Variants in MAGI2 observed in about 807,000 individuals in gnomAD.
The protein encoded by MAGI2 is membrane-associated guanylate kinase, WW and PDZ domain-containing protein 2.
Under a neutral mutation model 133.3 loss-of-function variants are expected in MAGI2, and 35 were observed. That is an observed-to-expected ratio of 0.26 (90% CI 0.20 to 0.35). MAGI2 has a LOEUF of 0.35. Ranked by LOEUF, MAGI2 falls within the 10% of genes least tolerant of loss-of-function variation. The probability of loss-of-function intolerance (pLI) is 1.00; values close to 1 mark genes in which losing one functional copy is unlikely to be tolerated. For missense variants in MAGI2, 1,636 were observed against 1,863.4 expected, an observed-to-expected ratio of 0.88 and a Z score of 2.25; for synonymous variants, 729 against 710.6, an observed-to-expected ratio of 1.03 and a Z score of -0.41.
chr7:78,360,425 T>C lies in MAGI2; in HGVS notation c.1103+8731A>G, dbSNP rs375148735. Among the ~76,000 whole-genome samples the C allele has an allele frequency of 9.8e-5, 15 of 152,344 alleles. No individual in the cohort carries two copies. In the East Asian group the frequency reaches 2.5e-3, roughly 25 times the overall value. On this transcript the variant is annotated intron_variant, in intron 7 of 21. Transcript: ENST00000354212. ...CCATTTTCACTTTATGTGCTAACTT[T>C]AGAACTTAATCTCAGTCTAAGATAT... is the stretch of plus-strand genomic sequence containing the variant.
chr7:78,630,312 G>A (rs946930758), intron 2 of MAGI2, among the ~76,000 whole-genome samples: 27 of 151,404 alleles, frequency 1.8e-4, no homozygotes, highest in Middle Eastern at 3.4e-3. Flanking sequence ...TTCTTCTAAC[G>A]GAACAATCTT....
intron 7 of MAGI2, among the ~76,000 whole-genome samples, chr7:78,365,466 C>T (rs1373758539): frequency 6.6e-6 from 1 of 152,112 alleles, no homozygotes; most frequent in Non-Finnish European, 1.5e-5. Flanking sequence ...CAAATTTCAG[C>T]CCCTCATCTC....
At chr7:78,049,238 A>G (rs117351611) in intron 21 of MAGI2, among the ~76,000 whole-genome samples, 3 of 152,224 alleles carry the variant, frequency 2.0e-5, no homozygotes, top group Non-Finnish European at 4.4e-5. Flanking sequence ...ATAAAAGACG[A>G]GACGGCATCT....
chr7:78,667,181 T>C (rs1233800181), intron 2 of MAGI2, among the ~76,000 whole-genome samples: 1 of 151,786 alleles, frequency 6.6e-6, no homozygotes, highest in Non-Finnish European at 1.5e-5. Flanking sequence ...TGGAGTTAAA[T>C]ATAGAACATC....
intron 6 of MAGI2, among the ~76,000 whole-genome samples, chr7:78,401,574 A>G (rs1019092437): frequency 1.3e-5 from 2 of 151,960 alleles, no homozygotes; most frequent in African/African-American, 2.4e-5. Context: ...TTCCCGTTAC[A>G]TATATTCAGA....
At chr7:79,163,036 CA>C (rs1030659779) in intron 1 of MAGI2, among the ~76,000 whole-genome samples, 1 of 151,706 alleles carries the variant, frequency 6.6e-6, no homozygotes, top group South Asian at 2.1e-4. Flanking sequence ...CAAAACAAAA[CA>C]AAAAAAACAC....
chr7:78,333,401 T>G (rs1311954221), intron 9 of MAGI2, among the ~76,000 whole-genome samples: 1 of 151,962 alleles, frequency 6.6e-6, no homozygotes, highest in Non-Finnish European at 1.5e-5. Context: ...GATAAAAGAT[T>G]ACTAAAAATT....
At chr7:78,143,620 TTTTA>T (rs1246816758) in intron 16 of MAGI2, among the ~76,000 whole-genome samples, 2 of 152,166 alleles carry the variant, frequency 1.3e-5, no homozygotes, top group Non-Finnish European at 2.9e-5. Flanking sequence ...AAGGTGTCAT[TTTTA>T]TTTTTTGAAG....
chr7:78,662,241 C>A (rs1329682631), intron 2 of MAGI2, among the ~76,000 whole-genome samples: 1 of 152,136 alleles, frequency 6.6e-6, no homozygotes, highest in Non-Finnish European at 1.5e-5. Context: ...GGTGACAGGG[C>A]AAGATATTAG....
rs575494145 is a variant in MAGI2 at position 78,633,582 on chromosome 7, T to C, written c.419-6343A>G. Among the ~76,000 whole-genome samples the C allele has an allele frequency of 4.6e-5, 7 of 151,942 alleles. No individual in the cohort carries two copies. The South Asian group carries it at 1.5e-3, about 32-fold the overall frequency. ...TTAGCCGGGCGTGGTGGCGGGCGCC[T>C]GTAGTCCCAGCTACTCCGGAGGCTG... On this transcript the variant is annotated intron_variant, in intron 2 of 21. Coordinates refer to ENST00000354212, the MANE Select transcript of MAGI2 (RefSeq NM_012301.4).
chr7:79,037,910 T>C (rs1811268326), intron 1 of MAGI2, among the ~76,000 whole-genome samples: 1 of 152,232 alleles, frequency 6.6e-6, no homozygotes, highest in Non-Finnish European at 1.5e-5. Flanking sequence ...CCATTTAACA[T>C]GTTCCTCTGT....
At chr7:79,117,804 A>G (rs1584967400) in intron 1 of MAGI2, among the ~76,000 whole-genome samples, 1 of 152,216 alleles carries the variant, frequency 6.6e-6, no homozygotes, top group Admixed American at 6.6e-5. Flanking sequence ...CACATTTAAC[A>G]ATACTATAAT....
chr7:78,606,838 T>A (rs1805866765), intron 3 of MAGI2, among the ~76,000 whole-genome samples: 1 of 23,050 alleles, frequency 4.3e-5, no homozygotes, highest in African/African-American at 1.4e-4. Flanking sequence ...CACAATTTTC[T>A]TTATGTTTTC....
At position 78,742,831 on chromosome 7, in the gene MAGI2, T is replaced by C. The variant is rs78345344; in HGVS notation, c.419-115592A>G. 1.0e-3 allele frequency among the ~76,000 whole-genome samples: 154 copies of C among 152,306 alleles called. 2 individuals are homozygous for C. The East Asian group carries it at 0.024, about 23-fold the overall frequency. On this transcript the variant is annotated intron_variant, in intron 2 of 21. Transcript: ENST00000354212. ...TAGAAAAATCGATTCAGCTTCCACCTTGCTGGTAAGGGACCCTGACCCAGG... is the reference window on the plus strand; with the variant it reads ...TAGAAAAATCGATTCAGCTTCCACCCTGCTGGTAAGGGACCCTGACCCAGG...
At chr7:79,320,184 A>T (rs547203271) in intron 1 of MAGI2, among the ~76,000 whole-genome samples, 1 of 152,300 alleles carries the variant, frequency 6.6e-6, no homozygotes, top group South Asian at 2.1e-4. Flanking sequence ...GTTACTTTAT[A>T]GTACTATGAT....
At chr7:79,262,669 T>C (rs1464568417) in intron 1 of MAGI2, among the ~76,000 whole-genome samples, 2 of 152,106 alleles carry the variant, frequency 1.3e-5, no homozygotes, top group Admixed American at 6.6e-5. Context: ...TAGACCCGGG[T>C]AGGATACGTA....
At chr7:78,680,833 A>G (rs1815569416) in intron 2 of MAGI2, among the ~76,000 whole-genome samples, 7 of 152,142 alleles carry the variant, frequency 4.6e-5, no homozygotes, top group Admixed American at 4.6e-4. Flanking sequence ...CTTGGTTAAT[A>G]AATCTTGGGT....
At chr7:78,431,737 A>G (rs1799814284) in intron 6 of MAGI2, among the ~76,000 whole-genome samples, 1 of 152,078 alleles carries the variant, frequency 6.6e-6, no homozygotes, top group Non-Finnish European at 1.5e-5. Context: ...GTATGTTCTC[A>G]TAGCTTAAAG....
intron 6 of MAGI2, among the ~76,000 whole-genome samples, chr7:78,462,384 C>T (rs1205201025): frequency 2.0e-5 from 3 of 152,156 alleles, no homozygotes; most frequent in Non-Finnish European, 4.4e-5. Context: ...AAAAATGTAT[C>T]GCTATTCTGA....
Sources: allele counts gnomAD v4.1 joint callset (sites outside exome capture counted in the v4.1 genomes callset), GRCh38; gene constraint gnomAD v4.1.1; transcripts MANE v1.5; gene names NCBI Gene and HGNC (gene_info 2026-07-23, HGNC 2026-07-21).